The following PIK3C3 variants were observed in gnomAD, a reference collection of about 807,000 sequenced individuals.
PIK3C3 encodes PI3-kinase type 3.
PIK3C3 carries 95 observed loss-of-function variants against 126.1 expected under a neutral mutation model. That is an observed-to-expected ratio of 0.75 (90% CI 0.64 to 0.89). The LOEUF (loss-of-function observed/expected upper bound fraction) is 0.89, where lower values mean the gene tolerates loss of function less well. Among genes scored for constraint, PIK3C3 ranks in the 40% least tolerant of loss-of-function variants. The pLI is 0.00. For synonymous variants in PIK3C3, 374 were observed against 360.0 expected, an observed-to-expected ratio of 1.04 and a Z score of -0.44; for missense variants, 829 against 1,063.2, an observed-to-expected ratio of 0.78 and a Z score of 3.06.
intron 7 of PIK3C3, among the ~76,000 whole-genome samples, chr18:41,993,743 G>GT (rs1224547043): frequency 6.6e-6 from 1 of 152,118 alleles, no homozygotes; most frequent in East Asian, 1.9e-4. Flanking sequence ...ATGCGTGAAA[G>GT]TTTTAGGGAG....
At chr18:42,034,317 G>A (rs2144454193) in intron 16 of PIK3C3, among the ~76,000 whole-genome samples, 1 of 152,282 alleles carries the variant, frequency 6.6e-6, no homozygotes, top group Middle Eastern at 3.4e-3. Flanking sequence ...GCCTCCCAAA[G>A]TGTTGGGATT....
At position 41,957,805 on chromosome 18, in the gene PIK3C3, T is replaced by G. The variant is rs759935180; in HGVS notation, c.257+47T>G. The G allele has an allele frequency of 8.6e-6, 12 of 1,390,032 alleles. No individual in the cohort carries two copies. In the South Asian group the frequency reaches 1.6e-4, roughly 18 times the overall value. The allele number at this position is 1,390,032 out of a possible 1,614,324, so 86.1% of individuals were successfully genotyped here. Reference sequence around the variant, plus strand: ...GGTATGTTACAGACTGTTCTTACCTTTCTTTATGGATGCTGCAAGTATAAT... The same window carrying G: ...GGTATGTTACAGACTGTTCTTACCTGTCTTTATGGATGCTGCAAGTATAAT... On this transcript the variant is annotated intron_variant, in intron 2 of 24. Transcript: ENST00000262039.
At chr18:41,982,501 T>TTTATTTAGCA (rs1981257238) in intron 4 of PIK3C3, among the ~76,000 whole-genome samples, 1 of 152,226 alleles carries the variant, frequency 6.6e-6, no homozygotes, top group Non-Finnish European at 1.5e-5. Flanking sequence ...GTGAAATTGC[T>TTTATTTAGCA]TTATTTAGCA....
rs145770400 is a variant in PIK3C3, at chr18:42,041,238, T to C, written c.2103+497T>C. ...GAGTTAATTGGTGAACAAATTAAAA[T>C]TTGTTAACGTTTATTTATACTTGCA... is the stretch of plus-strand genomic sequence containing the variant. On this transcript the variant is annotated intron_variant, in intron 19 of 24. Coordinates refer to ENST00000262039, the MANE Select transcript of PIK3C3 (RefSeq NM_002647.4). 1.4e-3 allele frequency among the ~76,000 whole-genome samples: 220 copies of C among 152,112 alleles called. 1 individual carries two copies. The highest frequency in any genetic ancestry group is 4.8e-3 in the African/African-American group (201 of 41,506).
intron 21 of PIK3C3, among the ~76,000 whole-genome samples, chr18:42,054,154 A>ATATCTATATC (rs1984941796): frequency 3.0e-5 from 1 of 33,522 alleles, no homozygotes; most frequent in Admixed American, 2.4e-4. Context: ...ATATATATAT[A>ATATCTATATC]TATATATATA....
In PIK3C3 at chr18:42,013,573, A is replaced by G. The variant is rs757731691; in HGVS notation, c.1302A>G (p.Gly434=). Residue 434 remains glycine (G), a synonymous_variant, in exon 11 of 25, where the codon GGA becomes GGG. Coordinates refer to ENST00000262039, the MANE Select transcript of PIK3C3 (RefSeq NM_002647.4). ...SSVSENVSNS[G]INSAEIDSSQ... ...TGTCAGAAAATGTGTCAAATTCTGG[A>G]ATAAATTCTGCAGAAATAGATAGGT... 1 of 1,603,892 alleles carries G rather than the reference A, an allele frequency of 6.2e-7. No individual in the cohort carries two copies. Among genetic ancestry groups the G allele is most frequent in the South Asian group, 1.1e-5 (1 of 89,348 alleles).
intron 18 of PIK3C3, among the ~76,000 whole-genome samples, chr18:42,040,318 G>A (rs570859142): frequency 7.3e-4 from 111 of 151,396 alleles, no homozygotes; most frequent in African/African-American, 2.4e-3. Flanking sequence ...GATTTCTTAC[G>A]GTGATTTTAA....
rs1335455785 is a variant in PIK3C3, at chr18:41,962,473, A to T, written c.258-16A>T. On this transcript the variant is annotated splice_polypyrimidine_tract_variant and intron_variant, in intron 2 of 24. Coordinates refer to ENST00000262039, the MANE Select transcript of PIK3C3 (RefSeq NM_002647.4). ...TATATATGTATTTCTGATTTATGTT[A>T]ACTTCATTTCCATAGCTGGAATGAA... 56 of 1,593,974 alleles carry T rather than the reference A, an allele frequency of 3.5e-5. No individual in the cohort carries two copies. The highest frequency in any genetic ancestry group is 4.6e-5 in the Non-Finnish European group (54 of 1,169,844).
At chr18:42,046,802 A>G (rs575672733) in intron 20 of PIK3C3, among the ~76,000 whole-genome samples, 39 of 152,176 alleles carry the variant, frequency 2.6e-4, no homozygotes, top group Admixed American at 2.6e-3. Flanking sequence ...CTGAGTATTG[A>G]CACTTTAAAC....
At chr18:42,040,554 CTTTTT>C (rs2144470536) in intron 18 of PIK3C3, 118 bp from the exon 19 acceptor site, 1 of 664,398 alleles carries the variant, frequency 1.5e-6, no homozygotes, top group East Asian at 2.8e-5. Context: ...GTACACTGAT[CTTTTT>C]AAGTTGTTCA....
At chr18:41,975,710 T>C (rs1277248436) in intron 4 of PIK3C3, among the ~76,000 whole-genome samples, 6 of 151,682 alleles carry the variant, frequency 4.0e-5, no homozygotes, top group Non-Finnish European at 8.8e-5. Context: ...TTTTTTTTTT[T>C]TTTTTCTGAG....
At chr18:41,973,235 G>C (rs2144317541) in intron 4 of PIK3C3, among the ~76,000 whole-genome samples, 1 of 152,134 alleles carries the variant, frequency 6.6e-6, no homozygotes, top group East Asian at 1.9e-4. Flanking sequence ...TGTATGCCTA[G>C]GGTAAAGTGT....
rs1170249001 is a variant in PIK3C3 at position 42,086,771 on chromosome 18, T to A, written c.*5634T>A. On this transcript the variant is annotated 3_prime_UTR_variant, in exon 25 of 25. Coordinates refer to ENST00000262039, the MANE Select transcript of PIK3C3 (RefSeq NM_002647.4). ...AATTTCCTTGAAAATTCATGAATAA[T>A]CCACCCCTTGTTTAGCATATGATCA... is the stretch of plus-strand genomic sequence containing the variant. 6.6e-6 allele frequency: 1 copy of A among 152,182 alleles called. No homozygotes were observed. Among genetic ancestry groups the A allele is most frequent in the African/African-American group, 2.4e-5 (1 of 41,450 alleles). The allele number at this position is 152,182 out of a possible 1,614,324, so 9.4% of individuals were successfully genotyped here.
intron 21 of PIK3C3, chr18:42,052,656 GTT>G (rs1984856360): frequency 6.6e-6 from 1 of 152,100 alleles, no homozygotes; most frequent in Non-Finnish European, 1.5e-5. Flanking sequence ...TTTACTGAGA[GTT>G]TGTATTTCAA....
chr18:42,009,712 T>A lies in PIK3C3; in HGVS notation c.1171-3730T>A, dbSNP rs62082281. 4.2e-3 allele frequency among the ~76,000 whole-genome samples: 328 copies of A among 77,952 alleles called. 1 individual carries two copies. The highest frequency in any genetic ancestry group is 0.022 in the African/African-American group (304 of 14,084). The allele number at this position is 77,952 out of a possible 152,430, so 51.1% of individuals were successfully genotyped here. On this transcript the variant is annotated intron_variant, in intron 10 of 24. Coordinates refer to ENST00000262039, the MANE Select transcript of PIK3C3 (RefSeq NM_002647.4). ...AATGTACATTATGTAATGCTTACAT[T>A]ATGTAATGTACATTATGTAATGCTT...
intron 4 of PIK3C3, among the ~76,000 whole-genome samples, chr18:41,986,912 A>G (rs1408125392): frequency 6.6e-6 from 1 of 152,030 alleles, no homozygotes; most frequent in East Asian, 1.9e-4. Flanking sequence ...CATAGTTGTG[A>G]TGAGTTGAGG....
intron 20 of PIK3C3, among the ~76,000 whole-genome samples, chr18:42,044,064 A>C (rs184333089): frequency 2.0e-5 from 3 of 152,186 alleles, no homozygotes; most frequent in Admixed American, 6.5e-5. Context: ...ATCACAGTTT[A>C]TCTCTTCCTG....
intron 4 of PIK3C3, among the ~76,000 whole-genome samples, chr18:41,975,020 A>G (rs529856969): frequency 3.6e-4 from 55 of 152,250 alleles, no homozygotes; most frequent in Non-Finnish European, 5.4e-4. Context: ...TAGATGAAAA[A>G]TGCTTTGTAC....
intron 24 of PIK3C3, among the ~76,000 whole-genome samples, chr18:42,074,053 T>C (rs1430391228): frequency 6.6e-6 from 1 of 152,198 alleles, no homozygotes; most frequent in African/African-American, 2.4e-5. Context: ...ACTCTTCCAT[T>C]TTTTAGTTAC....
Sources: gnomAD v4.1 joint callset for allele counts (sites outside exome capture counted in the v4.1 genomes callset) on GRCh38, gnomAD v4.1.1 for gene constraint, MANE v1.5 for transcripts, NCBI Gene and HGNC (gene_info 2026-07-23, HGNC 2026-07-21) for gene names.